ADNP: variants seen among roughly 807,000 people sequenced by gnomAD.
ADNP encodes activity-dependent neuroprotector homeobox protein.
Under a neutral mutation model 84.9 loss-of-function variants are expected in ADNP, and 4 were observed. The ratio of observed to expected loss-of-function variants is 0.05; its 90% CI spans 0.02 to 0.11. The LOEUF is 0.11. Ranked by LOEUF, ADNP falls within the 10% of genes least tolerant of loss-of-function variation. The pLI is 1.00. For missense variants in ADNP, 1,132 were observed against 1,326.0 expected (o/e 0.85, Z 2.27); for synonymous variants, 554 against 468.1 (o/e 1.18, Z -2.37).
intron 5 of ADNP, among the ~76,000 whole-genome samples, chr20:50,898,361 C>T (rs1451219265): frequency 6.6e-6 from 1 of 152,134 alleles, no homozygotes; most frequent in Non-Finnish European, 1.5e-5. Context: ...CTCAAACACA[C>T]TTTTTGCTTT....
intron 2 of ADNP, among the ~76,000 whole-genome samples, chr20:50,911,344 C>CT (rs773491403): frequency 2.6e-5 from 4 of 152,076 alleles, no homozygotes; most frequent in East Asian, 1.9e-4. Context: ...CACTTTGAGT[C>CT]TTTTTTCTAT....
chr20:50,924,203 G>A (rs913612111), intron 2 of ADNP, among the ~76,000 whole-genome samples: 1 of 152,184 alleles, frequency 6.6e-6, no homozygotes, highest in Non-Finnish European at 1.5e-5. Context: ...CTAAAAAACT[G>A]GGAAAAGAAA....
At chr20:50,919,777 G>A (rs959242888) in intron 2 of ADNP, among the ~76,000 whole-genome samples, 2 of 152,110 alleles carry the variant, frequency 1.3e-5, no homozygotes, top group African/African-American at 4.8e-5. Flanking sequence ...AGGTGTTCTA[G>A]GAACTTCTTG....
rs1980766074 is a variant in ADNP at position 50,891,791 on chromosome 20, C to A, written c.2923G>T (p.Gly975Trp). 2 of 1,614,060 alleles carry A rather than the reference C, an allele frequency of 1.2e-6. No individual in the cohort carries two copies. Among genetic ancestry groups the A allele is most frequent in the Admixed American group, 1.7e-5 (1 of 60,000 alleles). Residue 975 changes from glycine (G) to tryptophan (W), a missense_variant, in exon 6 of 6, where the codon GGG (glycine) becomes TGG (tryptophan). Physicochemically the swap from Gly to Trp is radical, Grantham distance 184 (BLOSUM62 -2). Around this residue, in one of 10 missense-constraint regions of ADNP, gnomAD observed 381 missense variants for 319.9 expected, o/e 1.19. Coordinates refer to ENST00000621696, the MANE Select transcript of ADNP (RefSeq NM_001282531.3). Reference protein sequence around the residue: ...WKDGASPSESGPGSQQVSDFE... With the variant: ...WKDGASPSESWPGSQQVSDFE... Reference sequence around the variant, plus strand: ...TCTGACACTTGTTGGGATCCAGGCCCACTCTCAGATGGAGAAGCACCGTCT... The same window carrying A: ...TCTGACACTTGTTGGGATCCAGGCCAACTCTCAGATGGAGAAGCACCGTCT...
At chr20:50,907,263 G>A (rs1269903944) in intron 2 of ADNP, among the ~76,000 whole-genome samples, 5 of 130,938 alleles carry the variant, frequency 3.8e-5, no homozygotes, top group Non-Finnish European at 4.9e-5. Flanking sequence ...CAGCCACCGC[G>A]CCCGGCATTT....
chr20:50,914,037 A>G (rs868497460), intron 2 of ADNP: 3 of 754,754 alleles, frequency 4.0e-6, no homozygotes. Flanking sequence ...CTGTCAATCA[A>G]AATGGCTCTA....
intron 2 of ADNP, among the ~76,000 whole-genome samples, chr20:50,920,262 C>CAAAAAAAAA (rs56181933): frequency 1.1e-4 from 7 of 64,544 alleles, no homozygotes; most frequent in Admixed American, 2.1e-4. Flanking sequence ...ATTCCACCTC[C>CAAAAAAAAA]AAAAAAAAAA....
At chr20:50,900,538 T>A (rs1981865991) in intron 5 of ADNP, among the ~76,000 whole-genome samples, 1 of 152,184 alleles carries the variant, frequency 6.6e-6, no homozygotes, top group African/African-American at 2.4e-5. Context: ...CAAACATGAA[T>A]CATATGTTGC....
At chr20:50,906,931 A>C (rs1210844766) in intron 2 of ADNP, among the ~76,000 whole-genome samples, 2 of 151,558 alleles carry the variant, frequency 1.3e-5, no homozygotes, top group African/African-American at 2.4e-5. Flanking sequence ...AACTAGGAGA[A>C]ATCTGTATTT....
Position 50,894,040 on chromosome 20 carries a change from C to T in ADNP, c.674G>A (p.Arg225Gln), listed in dbSNP as rs758615541. 3.7e-6 allele frequency: 6 copies of T among 1,614,208 alleles called. No individual in the cohort carries two copies. The highest frequency in any genetic ancestry group is 5.1e-6 in the Non-Finnish European group (6 of 1,180,038). Residue 225 changes from arginine (R) to glutamine (Q), a missense_variant, in exon 6 of 6, where the codon CGA becomes CAA. Physicochemically the swap from Arg to Gln is conservative, Grantham distance 43. Around this residue, in one of 10 missense-constraint regions of ADNP, gnomAD observed 130 missense variants for 183.7 expected, o/e 0.71. Transcript: ENST00000621696. The stretch of plus-strand genomic sequence containing the variant: ...ATAGGACTTTGGCATGAAAAGGCAT[C>T]GCTTGCAGTGAATACTACTCTCTTC... Reference protein sequence around the residue: ...AREESSIHCKRCLFMPKSYEA... With the variant: ...AREESSIHCKQCLFMPKSYEA...
intron 2 of ADNP, among the ~76,000 whole-genome samples, chr20:50,920,674 G>A (rs2426209): frequency 0.16 from 24,725 of 151,952 alleles, 2,776 homozygotes; most frequent in Non-Finnish European, 0.24. Flanking sequence ...CAATCTAAGA[G>A]GTCTGAGAAA....
chr20:50,903,769 A>C, intron 4 of ADNP, 120 bp downstream of exon 4: 1 of 719,482 alleles, frequency 1.4e-6, no homozygotes. Context: ...GTTTTCGTGA[A>C]GCTACTGCTG....
In ADNP at chr20:50,891,480, G is replaced by A. The variant is rs765155352; in HGVS notation, c.3234C>T (p.Asp1078=). 6.2e-7 allele frequency: 1 copy of A among 1,612,630 alleles called. No individual in the cohort carries two copies. Among genetic ancestry groups the A allele is most frequent in the South Asian group, 1.1e-5 (1 of 91,078 alleles). The stretch of plus-strand genomic sequence containing the variant: ...GCTCAGCTACTCCATCAGTCATGTT[G>A]TCAAACTGTTCCCCATCCTCACTGT... The part of the protein sequence containing the change: ...TIDSEDGEQF[D]NMTDGVAEPM... The change falls in exon 6 of 6, where the codon GAC becomes GAT. Residue 1078 remains aspartate, a synonymous_variant. Coordinates refer to ENST00000621696, the MANE Select transcript of ADNP (RefSeq NM_001282531.3).
At chr20:50,896,040 C>G (rs996323949) in intron 5 of ADNP, among the ~76,000 whole-genome samples, 1 of 151,886 alleles carries the variant, frequency 6.6e-6, no homozygotes, top group African/African-American at 2.4e-5. Context: ...GCCTGACCAA[C>G]ATGGTGAAAC....
chr20:50,915,073 A>G (rs563525291), intron 2 of ADNP, among the ~76,000 whole-genome samples: 1 of 152,234 alleles, frequency 6.6e-6, no homozygotes, highest in Non-Finnish European at 1.5e-5. Context: ...CATTGAAAAA[A>G]TGTCAAGCTT....
Position 50,930,875 on chromosome 20 carries a change from A to ACAG in ADNP, c.-317_-315dup, listed in dbSNP as rs1285103600. The ACAG allele has an allele frequency of 2.1e-5, 3 of 145,536 alleles. No homozygotes were observed. Among genetic ancestry groups the ACAG allele is most frequent in the East Asian group, 4.0e-4 (2 of 4,990 alleles). The allele number at this position is 145,536 out of a possible 1,614,324, so 9.0% of individuals were successfully genotyped here. A position where few individuals can be genotyped will look rare whatever the true frequency, so the allele number is the denominator to read the frequency against. On this transcript the variant is annotated 5_prime_UTR_variant, in exon 1 of 6. Coordinates refer to ENST00000621696, the MANE Select transcript of ADNP (RefSeq NM_001282531.3). ...CGGGGCCGGCGTGCTCGGGGGCCGG[A>ACAG]CAGCGGCGGCGGCGGCGGGCGGATG...
Position 50,892,444 on chromosome 20 carries a change from T to G in ADNP, c.2270A>C (p.Lys757Thr). The change falls in exon 6 of 6, where the codon AAG becomes ACG. Residue 757 changes from lysine to threonine, a missense_variant. This residue lies in a region of ADNP where 101 missense variants were observed against 78.5 expected (regional missense o/e 1.29). Transcript: ENST00000621696. ...TTCATAGGAATCATCTTCATGACCC[T>G]TGGGGTCTAAAGCTAAAACAACAGG... is the stretch of plus-strand genomic sequence containing the variant. Reference protein sequence around the residue: ...EEPVVLALDPKGHEDDSYEAR... With the variant: ...EEPVVLALDPTGHEDDSYEAR... 6.2e-7 allele frequency: 1 copy of G among 1,614,176 alleles called. No individual in the cohort carries two copies. Among genetic ancestry groups the G allele is most frequent in the African/African-American group, 1.3e-5 (1 of 75,030 alleles).
At chr20:50,902,465 TG>T (rs1982083858) in intron 4 of ADNP, among the ~76,000 whole-genome samples, 1 of 152,046 alleles carries the variant, frequency 6.6e-6, no homozygotes, top group South Asian at 2.1e-4. Context: ...AAAATAGCAA[TG>T]TTTGCTTACA....
chr20:50,896,653 A>C (rs1981427751), intron 5 of ADNP, among the ~76,000 whole-genome samples: 1 of 152,246 alleles, frequency 6.6e-6, no homozygotes, highest in Admixed American at 6.5e-5. Flanking sequence ...GTCAGAATCA[A>C]CAGTATCACT....
Sources: allele counts gnomAD v4.1 joint callset (sites outside exome capture counted in the v4.1 genomes callset), GRCh38; gene constraint gnomAD v4.1.1; regional missense constraint gnomAD v4.1.1; transcripts MANE v1.5; gene names NCBI Gene and HGNC (gene_info 2026-07-23, HGNC 2026-07-21).